Variants in PTPRN2 observed in about 807,000 individuals in gnomAD.
The protein encoded by PTPRN2 is protein tyrosine phosphatase receptor type N2.
A neutral mutation model predicts 118.8 loss-of-function variants in PTPRN2; 74 were observed. That is an observed-to-expected ratio of 0.62 (90% CI 0.52 to 0.76). PTPRN2 has a LOEUF of 0.76. PTPRN2 is among the 30% of genes least tolerant of loss of function. PTPRN2 has a pLI of 0.00. For synonymous variants in PTPRN2, 641 were observed against 608.0 expected, an observed-to-expected ratio of 1.05 and a Z score of -0.80; for missense variants, 1,481 against 1,394.4, an observed-to-expected ratio of 1.06 and a Z score of -0.99.
At chr7:158,274,780 G>A (rs1427345577) in intron 3 of PTPRN2, among the ~76,000 whole-genome samples, 1 of 152,202 alleles carries the variant, frequency 6.6e-6, no homozygotes, top group Non-Finnish European at 1.5e-5. Flanking sequence ...CACACACAGG[G>A]AGCCTGACTG....
intron 3 of PTPRN2, among the ~76,000 whole-genome samples, chr7:158,292,595 A>G (rs183852969): frequency 1.3e-5 from 2 of 152,324 alleles, no homozygotes; most frequent in East Asian, 3.9e-4. Context: ...GGGTGCACTT[A>G]CGCACCCCCA....
At chr7:158,548,526 A>T (rs1826439527) in intron 1 of PTPRN2, among the ~76,000 whole-genome samples, 1 of 152,190 alleles carries the variant, frequency 6.6e-6, no homozygotes, top group African/African-American at 2.4e-5. Flanking sequence ...AGCGATGACC[A>T]GGGGGCTCTT....
chr7:158,209,283 C>T (rs957052610), intron 3 of PTPRN2, among the ~76,000 whole-genome samples: 6 of 151,854 alleles, frequency 4.0e-5, no homozygotes, highest in African/African-American at 1.5e-4. Context: ...AAAAAAGACC[C>T]AATCATCTGT....
In PTPRN2 at chr7:157,845,638, G is replaced by A. The variant is rs965324994; in HGVS notation, c.1788+53035C>T. 6.6e-6 allele frequency among the ~76,000 whole-genome samples: 1 copy of A among 152,214 alleles called. No individual in the cohort carries two copies. The highest frequency in any genetic ancestry group is 6.5e-5 in the Admixed American group (1 of 15,278). Reference sequence around the variant, plus strand: ...GCATGGAGGAGCCACTTGCAGATGCGGTAACCCACTGTGCGGCACAGAACC... The same window carrying A: ...GCATGGAGGAGCCACTTGCAGATGCAGTAACCCACTGTGCGGCACAGAACC... On this transcript the variant is annotated intron_variant, in intron 12 of 22. Transcript: ENST00000389418. The surrounding 1 kb of genome is among the most constrained non-coding windows in gnomAD (Gnocchi z 4.5).
At chr7:158,548,798 G>C (rs1826454859) in intron 1 of PTPRN2, among the ~76,000 whole-genome samples, 1 of 152,238 alleles carries the variant, frequency 6.6e-6, no homozygotes, top group African/African-American at 2.4e-5. Context: ...GGAGGCAGGA[G>C]CCGCCCTGAC....
Position 157,874,945 on chromosome 7 carries a change from G to C in PTPRN2, c.1788+23728C>G, listed in dbSNP as rs964892028. ...CATACACAGAGAAACACTTGTGCAC[G>C]GAGACACACTTGTGCACATACACAG... On this transcript the variant is annotated intron_variant, in intron 12 of 22. Transcript: ENST00000389418. The surrounding 1 kb of genome is among the most constrained non-coding windows in gnomAD (Gnocchi z 5.8). Among the ~76,000 whole-genome samples, 7 of 151,606 alleles carry C rather than the reference G, an allele frequency of 4.6e-5. No individual in the cohort carries two copies. The highest frequency in any genetic ancestry group is 8.8e-5 in the Non-Finnish European group (6 of 67,942).
rs1030186579 is a variant in PTPRN2 at position 157,953,648 on chromosome 7, C to A, written c.1724-54911G>T. ...CACTCTCTGGACAGGAGACACCTCA[C>A]CCCTCACAGACATCTCATTTTTTCA... On this transcript the variant is annotated intron_variant, in intron 11 of 22. Coordinates refer to ENST00000389418, the MANE Select transcript of PTPRN2 (RefSeq NM_002847.5). This position sits in a 1 kb window ranked among gnomAD's most constrained non-coding sequence, Gnocchi z 4.6. Among the ~76,000 whole-genome samples, 3 of 152,068 alleles carry A rather than the reference C, an allele frequency of 2.0e-5. No individual in the cohort carries two copies. Among genetic ancestry groups the A allele is most frequent in the African/African-American group, 4.8e-5 (2 of 41,406 alleles).
intron 11 of PTPRN2, among the ~76,000 whole-genome samples, chr7:158,058,425 T>A (rs573149120): frequency 1.6e-5 from 2 of 125,736 alleles, no homozygotes; most frequent in East Asian, 4.9e-4. Flanking sequence ...CCACACTCCA[T>A]CTGCCCACGG....
At chr7:157,884,495 G>A (rs1796345867) in intron 12 of PTPRN2, among the ~76,000 whole-genome samples, 1 of 152,194 alleles carries the variant, frequency 6.6e-6, no homozygotes, top group Admixed American at 6.5e-5. Flanking sequence ...TGCCCTTGCT[G>A]ACCGGCTTCT....
intron 13 of PTPRN2, among the ~76,000 whole-genome samples, chr7:157,679,091 G>T (rs756376776): frequency 1.3e-5 from 2 of 151,870 alleles, no homozygotes; most frequent in Non-Finnish European, 2.9e-5. Flanking sequence ...GTGTGTACAT[G>T]TGTGTATAAA....
chr7:158,111,341 A>T (rs949439304), intron 9 of PTPRN2, among the ~76,000 whole-genome samples: 1 of 152,146 alleles, frequency 6.6e-6, no homozygotes, highest in East Asian at 1.9e-4. Context: ...TGGAAGTGTG[A>T]GCATGGAAAC....
At chr7:157,935,147 T>C (rs10231307) in intron 11 of PTPRN2, among the ~76,000 whole-genome samples, 5,328 of 152,306 alleles carry the variant, frequency 0.035, 280 homozygotes, top group African/African-American at 0.11. Flanking sequence ...TGCACTTAAC[T>C]TGCTTGGGGT....
chr7:157,947,207 G>A (rs1449613717), intron 11 of PTPRN2, among the ~76,000 whole-genome samples: 6 of 107,488 alleles, frequency 5.6e-5, no homozygotes, highest in Admixed American at 3.9e-4. Context: ...CCATCAGGTC[G>A]AGTAGTGACA....
intron 1 of PTPRN2, among the ~76,000 whole-genome samples, chr7:158,581,121 G>C (rs767057206): frequency 6.6e-6 from 1 of 152,176 alleles, no homozygotes; most frequent in Non-Finnish European, 1.5e-5. Context: ...TGTGCAACCA[G>C]AGAGACATGT....
chr7:157,789,912 G>A (rs1804337627), intron 12 of PTPRN2, among the ~76,000 whole-genome samples: 1 of 150,574 alleles, frequency 6.6e-6, no homozygotes, highest in Non-Finnish European at 1.5e-5. Flanking sequence ...GTGGTGCTGT[G>A]TGTGTGGTAT....
At chr7:157,588,561 G>C (rs1372308451) in intron 17 of PTPRN2, among the ~76,000 whole-genome samples, 2 of 152,228 alleles carry the variant, frequency 1.3e-5, no homozygotes, top group African/African-American at 4.8e-5. Flanking sequence ...CCCCGGGAAG[G>C]TGCAGACCTT....
intron 9 of PTPRN2, among the ~76,000 whole-genome samples, chr7:158,117,263 T>C (rs1274228326): frequency 2.0e-5 from 3 of 152,006 alleles, no homozygotes; most frequent in Non-Finnish European, 4.4e-5. Flanking sequence ...CAAAATACAA[T>C]AGCTGAAATT....
intron 2 of PTPRN2, among the ~76,000 whole-genome samples, chr7:158,483,051 C>T (rs555870409): frequency 6.6e-6 from 1 of 152,362 alleles, no homozygotes; most frequent in African/African-American, 2.4e-5. Flanking sequence ...CCTTGCTGAG[C>T]CCTTCAGCCT....
chr7:158,449,334 C>T (rs1191865337), intron 2 of PTPRN2, among the ~76,000 whole-genome samples: 2 of 152,226 alleles, frequency 1.3e-5, no homozygotes, highest in Non-Finnish European at 2.9e-5. Flanking sequence ...GGTGGTCGGC[C>T]CACAGGGCCC....
Sources: allele counts gnomAD v4.1 joint callset (sites outside exome capture counted in the v4.1 genomes callset), GRCh38; gene constraint gnomAD v4.1.1; non-coding constraint Gnocchi (gnomAD v3.1); transcripts MANE v1.5; gene names NCBI Gene and HGNC (gene_info 2026-07-23, HGNC 2026-07-21).